Variants in FAT3 observed in about 807,000 individuals in gnomAD.
The protein encoded by FAT3 is protocadherin Fat 3.
In FAT3, 95 loss-of-function variants were observed where a neutral mutation model predicts 310.2. The ratio of observed to expected loss-of-function variants is 0.31; its 90% confidence interval spans 0.26 to 0.36. The LOEUF (loss-of-function observed/expected upper bound fraction) is 0.36, where lower values mean the gene tolerates loss of function less well. Among genes scored for constraint, FAT3 ranks in the 10% least tolerant of loss-of-function variants. The pLI is 1.00. For missense variants in FAT3, 5,408 were observed against 5,715.6 expected (o/e 0.95, Z 1.74); for synonymous variants, 2,314 against 2,192.9 (o/e 1.06, Z -1.54).
At position 92,883,153 on chromosome 11, in the gene FAT3, C is replaced by T. The variant is rs760262852; in HGVS notation, c.12697C>T (p.Arg4233Cys). 3 of 1,613,410 alleles carry T rather than the reference C, an allele frequency of 1.9e-6. No individual in the cohort carries two copies. Among genetic ancestry groups the T allele is most frequent in the African/African-American group, 1.3e-5 (1 of 74,912 alleles). Residue 4233 changes from arginine to cysteine, a missense_variant, in exon 24 of 28, where the codon CGC becomes TGC. Physicochemically the swap from Arg to Cys is radical, Grantham distance 180 (BLOSUM62 -3). This residue lies in a region of FAT3 where 649 missense variants were observed against 666.2 expected (regional missense o/e 0.97). Coordinates refer to ENST00000525166, the MANE Select transcript of FAT3 (RefSeq NM_001367949.2). This position sits in a 1 kb window ranked among gnomAD's most constrained non-coding sequence, Gnocchi z 4.2. ...GGTGGGGCCCCCGCAGGTCCCCGTG[C>T]GCCCCATGGCCTACACACCCTGCTT... ...QEVGPPQVPVRPMAYTPCFQS... is the reference protein window; with the variant it reads ...QEVGPPQVPVCPMAYTPCFQS...
rs772707480 is a variant in FAT3, at chr11:92,792,842, A to C, written c.4687A>C (p.Ser1563Arg). ...IVNVEDANDH[S>R]PYFTNPLYEA... ...GAATGTGGAGGATGCTAATGATCACAGTCCTTATTTTACCAACCCACTGTA... is the reference window on the plus strand; with the variant it reads ...GAATGTGGAGGATGCTAATGATCACCGTCCTTATTTTACCAACCCACTGTA... The change falls in exon 9 of 28, where the codon AGT becomes CGT. Residue 1563 changes from serine to arginine, a missense_variant. Ser to Arg is a moderately radical substitution (Grantham distance 110). Transcript: ENST00000525166. The C allele has an allele frequency of 6.2e-7, 1 of 1,613,914 alleles. No homozygotes were observed. Among genetic ancestry groups the C allele is most frequent in the Non-Finnish European group, 8.5e-7 (1 of 1,179,808 alleles).
chr11:92,799,550 C>G lies in FAT3; in HGVS notation c.6537C>G (p.Val2179=). 6.2e-7 allele frequency: 1 copy of G among 1,613,754 alleles called. No individual in the cohort carries two copies. The highest frequency in any genetic ancestry group is 8.5e-7 in the Non-Finnish European group (1 of 1,179,846). Residue 2179 remains valine, a synonymous_variant, in exon 10 of 28, where the codon GTC becomes GTG. Transcript: ENST00000525166. ...CTGTGGAGCTTCCCATCACTATTGT[C>G]AACAAAGCAATGCCTGTGTTTGATA... ...STSVELPITI[V]NKAMPVFDKP... is the part of the protein sequence containing the mutation.
At chr11:92,499,655 G>A (rs921507064) in intron 2 of FAT3, among the ~76,000 whole-genome samples, 21 of 151,510 alleles carry the variant, frequency 1.4e-4, no homozygotes, top group Admixed American at 3.9e-4. Context: ...TGGCTATGTT[G>A]TTCACAGTGT....
At chr11:92,503,259 T>A (rs1316628761) in intron 2 of FAT3, among the ~76,000 whole-genome samples, 1 of 152,138 alleles carries the variant, frequency 6.6e-6, no homozygotes, top group African/African-American at 2.4e-5. Context: ...ATAAAATACC[T>A]GATTATAATA....
rs557965531 is a variant in FAT3 at position 92,274,938 on chromosome 11, A to G, written c.-18+49764A>G. ...TCCTATGAAAGCACGGCAACTTTGT[A>G]AATGGGGATGGTTAAGAGACAGTTC... On this transcript the variant is annotated intron_variant, in intron 1 of 27. Transcript: ENST00000525166. Among the ~76,000 whole-genome samples the G allele has an allele frequency of 1.1e-4, 17 of 152,264 alleles. No individual in the cohort carries two copies. The East Asian group carries it at 2.3e-3, about 21-fold the overall frequency.
At position 92,530,157 on chromosome 11, in the gene FAT3, A is replaced by C. The variant is rs893241064; in HGVS notation, c.3607+5209A>C. Among the ~76,000 whole-genome samples, 4 of 152,206 alleles carry C rather than the reference A, an allele frequency of 2.6e-5. No homozygotes were observed. In the East Asian group the frequency reaches 7.7e-4, roughly 29 times the overall value. On this transcript the variant is annotated intron_variant, in intron 3 of 27. Transcript: ENST00000525166. ...GCATGCCTTTTGGTATATGGTATAC[A>C]ACATAGTGGATAAGAGAGGGGGTAA...
At chr11:92,840,843 C>A in intron 18 of FAT3, 84 bp downstream of exon 18, 1 of 1,295,454 alleles carries the variant, frequency 7.7e-7, no homozygotes, top group Non-Finnish European at 1.0e-6. Context: ...TTTTTCTTTG[C>A]TGAGTAAGTC....
chr11:92,877,903 A>G (rs949234761), intron 22 of FAT3, among the ~76,000 whole-genome samples: 3 of 152,198 alleles, frequency 2.0e-5, no homozygotes, highest in African/African-American at 7.2e-5. Flanking sequence ...AAATGCATCT[A>G]ATACACCTAA....
intron 3 of FAT3, among the ~76,000 whole-genome samples, chr11:92,533,895 T>C (rs747016749): frequency 1.7e-4 from 26 of 152,006 alleles, no homozygotes; most frequent in Non-Finnish European, 3.5e-4. Context: ...GGGAGGGTGA[T>C]AGAGTCATGT....
chr11:92,313,193 A>C (rs930457267), intron 1 of FAT3, among the ~76,000 whole-genome samples: 1 of 152,226 alleles, frequency 6.6e-6, no homozygotes, highest in Admixed American at 6.5e-5. Flanking sequence ...TCCCAGAGAA[A>C]CACTAGGTAA....
At chr11:92,595,045 TAAG>T (rs1237620381) in intron 3 of FAT3, among the ~76,000 whole-genome samples, 1 of 151,686 alleles carries the variant, frequency 6.6e-6, no homozygotes. Flanking sequence ...GAGCTAGGAA[TAAG>T]AATAATCATG....
intron 1 of FAT3, among the ~76,000 whole-genome samples, chr11:92,235,624 A>G (rs1373920618): frequency 3.9e-5 from 6 of 152,230 alleles, no homozygotes; most frequent in African/African-American, 1.4e-4. Flanking sequence ...ACAATTGACC[A>G]TCTATGACCA....
At chr11:92,257,515 AG>A (rs1440404356) in intron 1 of FAT3, among the ~76,000 whole-genome samples, 1 of 152,102 alleles carries the variant, frequency 6.6e-6, no homozygotes, top group Non-Finnish European at 1.5e-5. Context: ...AATTTTAGGC[AG>A]GAAAAAATTG....
intron 11 of FAT3, 93 bp from the exon 12 acceptor site, chr11:92,806,269 A>G (rs970582047): frequency 2.5e-5 from 29 of 1,144,894 alleles, no homozygotes; most frequent in Non-Finnish European, 3.6e-5. Context: ...AATTATATAA[A>G]TGAATTTTTA....
intron 3 of FAT3, among the ~76,000 whole-genome samples, chr11:92,568,967 C>T (rs1054187057): frequency 5.3e-5 from 8 of 152,242 alleles, no homozygotes; most frequent in African/African-American, 1.9e-4. Flanking sequence ...TAACACAAAC[C>T]TGTCCTCATG....
chr11:92,329,356 A>C (rs1240146840), intron 1 of FAT3, among the ~76,000 whole-genome samples: 1 of 151,406 alleles, frequency 6.6e-6, no homozygotes, highest in East Asian at 2.0e-4. Context: ...AGAGCCTGGC[A>C]TCTCCCCTTT....
intron 22 of FAT3, among the ~76,000 whole-genome samples, chr11:92,877,588 T>C (rs1479432814): frequency 6.6e-6 from 1 of 152,188 alleles, no homozygotes; most frequent in African/African-American, 2.4e-5. Context: ...GAACAGACGA[T>C]AAGATGAGCT....
chr11:92,660,074 G>A (rs1942726542), intron 3 of FAT3, among the ~76,000 whole-genome samples: 1 of 152,080 alleles, frequency 6.6e-6, no homozygotes, highest in Non-Finnish European at 1.5e-5. Context: ...GTGCAGCAAT[G>A]ATACACACCA....
At chr11:92,514,275 G>A (rs1953403896) in intron 2 of FAT3, among the ~76,000 whole-genome samples, 1 of 151,898 alleles carries the variant, frequency 6.6e-6, no homozygotes, top group African/African-American at 2.4e-5. Flanking sequence ...GAGAATTTTG[G>A]GTCTGCTCCT....
Sources: allele counts gnomAD v4.1 joint callset (sites outside exome capture counted in the v4.1 genomes callset), GRCh38; gene constraint gnomAD v4.1.1; regional missense constraint gnomAD v4.1.1; non-coding constraint Gnocchi (gnomAD v3.1); transcripts MANE v1.5; gene names NCBI Gene and HGNC (gene_info 2026-07-23, HGNC 2026-07-21).